Variants in PRKD3 observed in about 807,000 individuals in gnomAD.
The protein encoded by PRKD3 is protein kinase D3, also known as serine/threonine-protein kinase D3.
A neutral mutation model predicts 99.2 loss-of-function variants in PRKD3; 47 were observed. The observed-to-expected ratio is 0.47, with a 90% confidence interval of 0.38 to 0.60. The LOEUF is 0.60. Among genes scored for constraint, PRKD3 ranks in the 20% least tolerant of loss-of-function variants. The pLI, the probability that PRKD3 is intolerant of heterozygous loss-of-function variation, is 0.00. For missense variants in PRKD3, 1,019 were observed against 1,088.4 expected (o/e 0.94, Z 0.90); for synonymous variants, 392 against 355.4 (o/e 1.10, Z -1.16).
chr2:37,254,039 G>A (rs950475564), intron 18 of PRKD3, among the ~76,000 whole-genome samples, 165 bp downstream of exon 18: 2 of 152,124 alleles, frequency 1.3e-5, no homozygotes, highest in African/African-American at 4.8e-5. Flanking sequence ...TGTCATTACC[G>A]ATCTGAATGC....
At chr2:37,254,348 GT>G (rs1667764759) in intron 17 of PRKD3, 59 bp from the exon 18 acceptor site, 1 of 1,338,712 alleles carries the variant, frequency 7.5e-7, no homozygotes, top group African/African-American at 1.4e-5. Flanking sequence ...CCCCAAACTT[GT>G]GACTGCCTAG....
At chr2:37,264,851 G>A (rs896499066) in intron 14 of PRKD3, among the ~76,000 whole-genome samples, 9 of 152,134 alleles carry the variant, frequency 5.9e-5, no homozygotes, top group Admixed American at 1.3e-4. Flanking sequence ...CTAAAAATGG[G>A]ATGTGCTCAT....
chr2:37,316,553 T>A lies in PRKD3; in HGVS notation c.-29A>T. On this transcript the variant is annotated 5_prime_UTR_variant, in exon 2 of 19. Coordinates refer to ENST00000234179, the MANE Select transcript of PRKD3 (RefSeq NM_005813.6). ...CCTTTCTTTAATCTTTTAAAATAGT[T>A]GTCGATTCTTTTTCAATGGTTATGA... The A allele has an allele frequency of 6.3e-7, 1 of 1,590,972 alleles. No individual in the cohort carries two copies. The highest frequency in any genetic ancestry group is 8.6e-7 in the Non-Finnish European group (1 of 1,169,484).
At position 37,262,706 on chromosome 2, in the gene PRKD3, C is replaced by T. The variant is rs74996648; in HGVS notation, c.1885-2322G>A. On this transcript the variant is annotated intron_variant, in intron 14 of 18. Coordinates refer to ENST00000234179, the MANE Select transcript of PRKD3 (RefSeq NM_005813.6). ...TCCCCCCTGCCCTCCTTTAAAAACA[C>T]GTGGACACACAAAAATAGAAGTATG... 5.9e-3 allele frequency among the ~76,000 whole-genome samples: 905 copies of T among 152,240 alleles called. 9 individuals are homozygous for T. Among genetic ancestry groups the T allele is most frequent in the African/African-American group, 0.019 (769 of 41,532 alleles).
Position 37,293,216 on chromosome 2 carries a change from T to C in PRKD3, c.344A>G (p.Asp115Gly). The C allele has an allele frequency of 6.2e-7, 1 of 1,604,652 alleles. No individual in the cohort carries two copies. Among genetic ancestry groups the C allele is most frequent in the East Asian group, 2.2e-5 (1 of 44,742 alleles). Residue 115 changes from aspartate to glycine, a missense_variant, in exon 3 of 19, where the codon GAC (aspartate) becomes GGC (glycine). This residue lies in a region of PRKD3 where 710 missense variants were observed against 692.7 expected (regional missense o/e 1.02). Coordinates refer to ENST00000234179, the MANE Select transcript of PRKD3 (RefSeq NM_005813.6). Reference protein sequence around the residue: ...MYDKILLFRHDMNSENILQLI... With the variant: ...MYDKILLFRHGMNSENILQLI... ...CTGCAAAATGTTTTCTGAGTTCATGTCATGGCGAAAGAGAAGAATTTTGTC... is the reference window on the plus strand; with the variant it reads ...CTGCAAAATGTTTTCTGAGTTCATGCCATGGCGAAAGAGAAGAATTTTGTC...
In PRKD3 at chr2:37,282,626, T is replaced by G. The variant is rs1558551543; in HGVS notation, c.911-7A>C. 6.4e-7 allele frequency: 1 copy of G among 1,572,082 alleles called. No homozygotes were observed. Among genetic ancestry groups the G allele is most frequent in the Non-Finnish European group, 8.8e-7 (1 of 1,142,142 alleles). ...TGGCAGTTGAATTTGCAATCTAAAA[T>G]GAAAATATTCAGCATATTAATTTAT... On this transcript the variant is annotated splice_region_variant and splice_polypyrimidine_tract_variant and intron_variant, in intron 6 of 18. Coordinates refer to ENST00000234179, the MANE Select transcript of PRKD3 (RefSeq NM_005813.6).
intron 6 of PRKD3, 51 bp downstream of exon 6, chr2:37,286,126 T>A: frequency 1.4e-6 from 2 of 1,416,956 alleles, no homozygotes; most frequent in Non-Finnish European, 1.9e-6. Flanking sequence ...AGCCTATATA[T>A]AATAACAAAA....
Position 37,253,150 on chromosome 2 carries a change from C to T in PRKD3, c.*27G>A, listed in dbSNP as rs750521855. The T allele has an allele frequency of 6.0e-5, 93 of 1,560,638 alleles. No homozygotes were observed. Among genetic ancestry groups the T allele is most frequent in the Non-Finnish European group, 7.3e-5 (83 of 1,144,152 alleles). Reference sequence around the variant, plus strand: ...AAAATATCAGTCCATAAAATGAAATCCTTCCTTATTTAGGTTAGCTCAGTG... The same window carrying T: ...AAAATATCAGTCCATAAAATGAAATTCTTCCTTATTTAGGTTAGCTCAGTG... On this transcript the variant is annotated 3_prime_UTR_variant, in exon 19 of 19. Transcript: ENST00000234179.
At chr2:37,299,537 C>CAG (rs1389652099) in intron 2 of PRKD3, among the ~76,000 whole-genome samples, 2 of 150,996 alleles carry the variant, frequency 1.3e-5, no homozygotes, top group African/African-American at 2.4e-5. Flanking sequence ...CACACACACA[C>CAG]ACACACACAC....
intron 5 of PRKD3, among the ~76,000 whole-genome samples, chr2:37,286,911 T>C (rs1414274574): frequency 1.3e-5 from 2 of 152,120 alleles, no homozygotes; most frequent in Admixed American, 1.3e-4. Flanking sequence ...TGGAGACTAT[T>C]CCAGAACCTA....
intron 14 of PRKD3, among the ~76,000 whole-genome samples, chr2:37,261,509 G>T (rs763308272): frequency 6.6e-6 from 1 of 151,948 alleles, no homozygotes; most frequent in Non-Finnish European, 1.5e-5. Context: ...GGCCGGGCGC[G>T]GTGGCTCACG....
At chr2:37,306,086 A>C (rs965119191) in intron 2 of PRKD3, among the ~76,000 whole-genome samples, 1 of 149,028 alleles carries the variant, frequency 6.7e-6, no homozygotes, top group Non-Finnish European at 1.5e-5. Flanking sequence ...TTTTTTTTTA[A>C]ACATACTACA....
chr2:37,279,454 C>T (rs1307033359), intron 8 of PRKD3: 1 of 192,522 alleles, frequency 5.2e-6, no homozygotes, highest in East Asian at 1.2e-4. Context: ...AGTGGCTGTT[C>T]CACAACTAGG....
intron 6 of PRKD3, among the ~76,000 whole-genome samples, chr2:37,283,802 C>T (rs1201021023): frequency 6.6e-6 from 1 of 150,778 alleles, no homozygotes; most frequent in East Asian, 1.9e-4. Flanking sequence ...GCCCGGCCAA[C>T]GTGGCAAAAC....
Position 37,295,113 on chromosome 2 carries a change from G to C in PRKD3, c.289-1842C>G, listed in dbSNP as rs138616567. Among the ~76,000 whole-genome samples the C allele has an allele frequency of 2.6e-5, 4 of 152,134 alleles. No homozygotes were observed. The East Asian group carries it at 7.7e-4, about 29-fold the overall frequency. ...AACAAACTCACTCACTCTACTATTT[G>C]TATAAATAAAACTGATTTCAAAAAG... On this transcript the variant is annotated intron_variant, in intron 2 of 18. Transcript: ENST00000234179.
intron 8 of PRKD3, 89 bp from the exon 9 acceptor site, chr2:37,278,078 C>G: frequency 8.6e-7 from 1 of 1,159,160 alleles, no homozygotes; most frequent in Non-Finnish European, 1.2e-6. Context: ...TTAAAGACAA[C>G]TGAGCTAAAA....
intron 7 of PRKD3, 199 bp downstream of exon 7, chr2:37,282,343 C>A: frequency 1.9e-6 from 1 of 532,996 alleles, no homozygotes; most frequent in East Asian, 3.0e-5. Context: ...TAACAGGTGG[C>A]CAGAGGAAAG....
intron 2 of PRKD3, among the ~76,000 whole-genome samples, chr2:37,300,933 A>T (rs72863180): frequency 0.078 from 11,924 of 152,252 alleles, 1,577 homozygotes; most frequent in African/African-American, 0.27. Flanking sequence ...TTGAGTATGT[A>T]CTTGTTTTGC....
In PRKD3 at chr2:37,299,577, T is replaced by C. The variant is rs1318678230; in HGVS notation, c.289-6306A>G. On this transcript the variant is annotated intron_variant, in intron 2 of 18. Transcript: ENST00000234179. ...ACACACACAAGCTTCTGCAAGGAAA[T>C]AATTAACAAGTGAAGTGACAACCTA... Among the ~76,000 whole-genome samples, 4 of 145,252 alleles carry C rather than the reference T, an allele frequency of 2.8e-5. 1 individual carries two copies. The East Asian group carries it at 8.0e-4, about 29-fold the overall frequency.
Sources: allele counts gnomAD v4.1 joint callset (sites outside exome capture counted in the v4.1 genomes callset), GRCh38; gene constraint gnomAD v4.1.1; regional missense constraint gnomAD v4.1.1; transcripts MANE v1.5; gene names NCBI Gene and HGNC (gene_info 2026-07-23, HGNC 2026-07-21).